The following THRA variants were observed in gnomAD, a reference collection of about 807,000 sequenced individuals.
The protein encoded by THRA is EAR-7.
A neutral mutation model predicts 45.0 loss-of-function variants in THRA; 13 were observed. That is an observed-to-expected ratio of 0.29 (90% CI 0.19 to 0.46). The LOEUF is 0.46. THRA is among the 20% of genes least tolerant of loss of function. THRA has a pLI of 1.00. For synonymous variants in THRA, 195 were observed against 214.0 expected, an observed-to-expected ratio of 0.91 and a Z score of 0.78; for missense variants, 278 against 556.1, an observed-to-expected ratio of 0.50 and a Z score of 5.03.
intron 1 of THRA, among the ~76,000 whole-genome samples, chr17:40,070,875 C>T (rs1232271560): frequency 6.6e-6 from 1 of 151,200 alleles, no homozygotes; most frequent in Non-Finnish European, 1.5e-5. Context: ...CCCCACCCAT[C>T]TTTCTTTGTT....
Position 40,089,790 on chromosome 17 carries a change from G to A in THRA, c.*334G>A, listed in dbSNP as rs1987467196. The A allele has an allele frequency of 1.7e-6, 2 of 1,159,642 alleles. No individual in the cohort carries two copies. The highest frequency in any genetic ancestry group is 1.2e-4 in the East Asian group (2 of 17,144). 71.8% of individuals were successfully genotyped at this position (1,159,642 alleles called of 1,614,324 possible). ...CAAGCCACCTTGACCGTAGGGGAAGGAGGAATGTGGGCTGGGGGAAGATGC... is the reference window on the plus strand; with the variant it reads ...CAAGCCACCTTGACCGTAGGGGAAGAAGGAATGTGGGCTGGGGGAAGATGC... On this transcript the variant is annotated 3_prime_UTR_variant, in exon 9 of 9. Coordinates refer to ENST00000450525, the MANE Select transcript of THRA (RefSeq NM_199334.5). The surrounding 1 kb of genome is among the most constrained non-coding windows in gnomAD (Gnocchi z 6.1).
chr17:40,068,017 A>C (rs1049241919), intron 1 of THRA, among the ~76,000 whole-genome samples: 19 of 152,162 alleles, frequency 1.2e-4, no homozygotes, highest in East Asian at 5.8e-4. Context: ...GAGACCCCCC[A>C]CACACACATC....
At chr17:40,069,091 CCTCCCTCTCTCT>C (rs1238628893) in intron 1 of THRA, 1 of 148,792 alleles carries the variant, frequency 6.7e-6, no homozygotes, top group African/African-American at 2.5e-5. Flanking sequence ...TCCCTCTCTC[CCTCCCTCTCTCT>C]CTCCCTCCCT....
chr17:40,062,959 G>A (rs1315986822), upstream of THRA: 4 of 148,290 alleles, frequency 2.7e-5, no homozygotes, highest in Non-Finnish European at 6.0e-5. Context: ...CGCCCCCCCC[G>A]CGCTCACTCG....
intron 1 of THRA, among the ~76,000 whole-genome samples, chr17:40,072,755 A>C (rs1222804130): frequency 8.2e-5 from 10 of 121,318 alleles, no homozygotes; most frequent in South Asian, 2.8e-4. Context: ...TTCCCCACCC[A>C]CTCCTTCTCC....
At chr17:40,071,457 G>C (rs1348042382) in intron 1 of THRA, among the ~76,000 whole-genome samples, 1 of 152,160 alleles carries the variant, frequency 6.6e-6, no homozygotes, top group African/African-American at 2.4e-5. Flanking sequence ...TAAGCTTAAT[G>C]AAATGCTTCC....
chr17:40,093,201 T>C (rs1368916608), downstream of THRA: 1 of 1,613,824 alleles, frequency 6.2e-7, no homozygotes, highest in Non-Finnish European at 8.5e-7. This position sits in a 1 kb window ranked among gnomAD's most constrained non-coding sequence, Gnocchi z 5.9. Flanking sequence ...GGGCCGGTTC[T>C]TCAGCACCAG....
At chr17:40,081,337 ACCT>A (rs769838305) in intron 4 of THRA, among the ~76,000 whole-genome samples, 4 of 151,252 alleles carry the variant, frequency 2.6e-5, no homozygotes, top group Non-Finnish European at 5.9e-5. Flanking sequence ...TGCAGCCTTG[ACCT>A]CCTGGTCTCA....
At chr17:40,093,040 G>A (rs751278005), downstream of THRA, 6 of 1,613,936 alleles carry the variant, frequency 3.7e-6, no homozygotes, top group Non-Finnish European at 4.2e-6. The surrounding 1 kb of genome is among the most constrained non-coding windows in gnomAD (Gnocchi z 5.9). Flanking sequence ...TGCAGAGTTC[G>A]ATTCTGTACA....
At chr17:40,072,631 C>T (rs181010225) in intron 1 of THRA, among the ~76,000 whole-genome samples, 148 of 152,198 alleles carry the variant, frequency 9.7e-4, no homozygotes, top group Middle Eastern at 3.4e-3. Flanking sequence ...CCTCGCTGGA[C>T]GTGGAGTCAG....
chr17:40,076,811 G>A, intron 2 of THRA, 60 bp from the exon 3 acceptor site: 1 of 1,571,516 alleles, frequency 6.4e-7, no homozygotes, highest in Non-Finnish European at 8.8e-7. Flanking sequence ...AAGCCTCTCG[G>A]ATGAGAAAGG....
In THRA at chr17:40,089,110, C is replaced by A; in HGVS notation, c.983-96C>A. On this transcript the variant is annotated intron_variant, in intron 8 of 8. Transcript: ENST00000450525. The surrounding 1 kb of genome is among the most constrained non-coding windows in gnomAD (Gnocchi z 6.1). Reference sequence around the variant, plus strand: ...CCCCAGCCTCTCTGCCTCTATCTCCCCTCTAGTCCTTTCTTCCCACGTCCC... The same window carrying A: ...CCCCAGCCTCTCTGCCTCTATCTCCACTCTAGTCCTTTCTTCCCACGTCCC... The A allele has an allele frequency of 1.6e-6, 2 of 1,227,662 alleles. No homozygotes were observed. Among genetic ancestry groups the A allele is most frequent in the East Asian group, 2.4e-5 (1 of 41,396 alleles). The allele number at this position is 1,227,662 out of a possible 1,614,324, so 76.0% of individuals were successfully genotyped here.
At chr17:40,062,787 G>GGGGGGC (rs1347192351), upstream of THRA, 11 of 145,084 alleles carry the variant, frequency 7.6e-5, no homozygotes, top group Admixed American at 2.7e-4. Context: ...GGCAGGGGGC[G>GGGGGGC]GGGGGCGGGG....
chr17:40,064,646 T>C (rs1428598321), intron 1 of THRA, among the ~76,000 whole-genome samples: 1 of 152,214 alleles, frequency 6.6e-6, no homozygotes, highest in African/African-American at 2.4e-5. Context: ...GCATTCCCAA[T>C]GACATGTTCT....
At chr17:40,088,144 C>A (rs980427308) in intron 7 of THRA, 98 bp from the exon 8 acceptor site, 3 of 1,470,546 alleles carry the variant, frequency 2.0e-6, no homozygotes, top group African/African-American at 1.4e-5. Context: ...TCCATGGGGG[C>A]CTTGCGGGCC....
chr17:40,063,366 C>T (rs1351410911), intron 1 of THRA, among the ~76,000 whole-genome samples: 3 of 152,186 alleles, frequency 2.0e-5, no homozygotes, highest in Non-Finnish European at 2.9e-5. Flanking sequence ...GGAGGGCCCG[C>T]CCGGCCTCTG....
intron 1 of THRA, among the ~76,000 whole-genome samples, chr17:40,073,680 A>G (rs1031224366): frequency 2.0e-5 from 3 of 152,124 alleles, no homozygotes; most frequent in Admixed American, 6.5e-5. Flanking sequence ...TCAGTTCCCT[A>G]CAGCTTTCAA....
downstream of THRA, chr17:40,093,423 T>C: frequency 6.3e-7 from 1 of 1,581,362 alleles, no homozygotes; most frequent in Non-Finnish European, 8.6e-7. The surrounding 1 kb of genome is among the most constrained non-coding windows in gnomAD (Gnocchi z 5.9). Flanking sequence ...AGGAGTGCCA[T>C]ACCTTCTCCC....
intron 4 of THRA, 103 bp from the exon 5 acceptor site, chr17:40,083,732 G>T: frequency 7.0e-7 from 1 of 1,434,638 alleles, no homozygotes. Context: ...CACTGATCTT[G>T]CCTTCCTTGC....
Sources: allele counts gnomAD v4.1 joint callset (sites outside exome capture counted in the v4.1 genomes callset), GRCh38; gene constraint gnomAD v4.1.1; non-coding constraint Gnocchi (gnomAD v3.1); transcripts MANE v1.5; gene names NCBI Gene and HGNC (gene_info 2026-07-23, HGNC 2026-07-21).